PDZRN4: variants seen among roughly 807,000 people sequenced by gnomAD.
PDZRN4 encodes PDZ domain containing ring finger 4, also known as PDZ domain-containing RING finger protein 4.
PDZRN4 carries 70 observed loss-of-function variants against 99.0 expected under a neutral mutation model. The observed-to-expected ratio is 0.71, with a 90% CI of 0.58 to 0.86. The LOEUF is 0.86. PDZRN4 is among the 40% of genes least tolerant of loss of function. The pLI is 0.00. For synonymous variants in PDZRN4, 551 were observed against 501.6 expected (o/e 1.10, Z -1.32); for missense variants, 1,474 against 1,331.2 (o/e 1.11, Z -1.67).
chr12:41,456,861 A>C (rs899036179), intron 3 of PDZRN4, among the ~76,000 whole-genome samples: 1 of 152,176 alleles, frequency 6.6e-6, no homozygotes, highest in African/African-American at 2.4e-5. Flanking sequence ...AGACTGAGAG[A>C]AATTTTAAAG....
At chr12:41,450,224 T>C (rs979741928) in intron 3 of PDZRN4, among the ~76,000 whole-genome samples, 3 of 152,192 alleles carry the variant, frequency 2.0e-5, no homozygotes, top group Non-Finnish European at 4.4e-5. Context: ...TTATTTGTTA[T>C]TACTTTTACA....
chr12:41,469,017 A>T (rs1203673158), intron 3 of PDZRN4, among the ~76,000 whole-genome samples: 1 of 152,092 alleles, frequency 6.6e-6, no homozygotes. Flanking sequence ...TCAAAAAAAA[A>T]AAAAAAATTG....
intron 3 of PDZRN4, chr12:41,477,951 A>T (rs560185096): frequency 1.5e-6 from 2 of 1,349,806 alleles, no homozygotes; most frequent in Non-Finnish European, 2.1e-6. Flanking sequence ...ATTTCATCAT[A>T]TTATTCTCTT....
At chr12:41,236,843 G>A (rs1170321419) in intron 3 of PDZRN4, among the ~76,000 whole-genome samples, 1 of 152,052 alleles carries the variant, frequency 6.6e-6, no homozygotes, top group Non-Finnish European at 1.5e-5. Context: ...TAGATACTTG[G>A]ATTTTCTTTC....
rs756432436 is a variant in PDZRN4, at chr12:41,573,450, G to A, written c.2671G>A (p.Val891Met). The A allele has an allele frequency of 1.3e-5, 21 of 1,613,944 alleles. No individual in the cohort carries two copies. The highest frequency in any genetic ancestry group is 1.7e-5 in the Non-Finnish European group (20 of 1,179,996). Reference sequence around the variant, plus strand: ...TTCAGAGCCCAAGATGGAATGGAAGGTGAAAATTAGGAGCGACGGGACACG... The same window carrying A: ...TTCAGAGCCCAAGATGGAATGGAAGATGAAAATTAGGAGCGACGGGACACG... ...KCSEPKMEWKVKIRSDGTRYI... is the reference protein window; with the variant it reads ...KCSEPKMEWKMKIRSDGTRYI... Residue 891 changes from valine to methionine, a missense_variant, in exon 10 of 10, where the codon GTG becomes ATG. Physicochemically the swap from Val to Met is conservative, Grantham distance 21. Coordinates refer to ENST00000402685, the MANE Select transcript of PDZRN4 (RefSeq NM_001164595.2).
chr12:41,190,639 G>A (rs1299430100), intron 1 of PDZRN4, among the ~76,000 whole-genome samples: 1 of 152,144 alleles, frequency 6.6e-6, no homozygotes, highest in Non-Finnish European at 1.5e-5. Flanking sequence ...AAAGCTCCTG[G>A]GAAAATATCT....
At chr12:41,385,491 T>A (rs1277860513) in intron 3 of PDZRN4, among the ~76,000 whole-genome samples, 2 of 152,052 alleles carry the variant, frequency 1.3e-5, no homozygotes, top group Non-Finnish European at 2.9e-5. Context: ...AAGGGGATAT[T>A]ACCACTGGCC....
chr12:41,448,262 T>A (rs1355578027), intron 3 of PDZRN4, among the ~76,000 whole-genome samples: 4 of 152,298 alleles, frequency 2.6e-5, no homozygotes, highest in Non-Finnish European at 5.9e-5. Context: ...ACTTTCTATT[T>A]AAGACAATGT....
chr12:41,437,861 T>C, intron 3 of PDZRN4: 3 of 1,611,290 alleles, frequency 1.9e-6, no homozygotes, highest in Middle Eastern at 1.7e-4. Flanking sequence ...AGTAGTCAAG[T>C]CTGGAGGGTG....
chr12:41,429,456 AT>A (rs1952566989), intron 3 of PDZRN4, among the ~76,000 whole-genome samples: 1 of 152,162 alleles, frequency 6.6e-6, no homozygotes, highest in Non-Finnish European at 1.5e-5. Context: ...CTGGAAGTTA[AT>A]TTTAGACTAC....
intron 1 of PDZRN4, among the ~76,000 whole-genome samples, chr12:41,190,167 T>C (rs536595915): frequency 6.6e-6 from 1 of 152,204 alleles, no homozygotes; most frequent in Non-Finnish European, 1.5e-5. Flanking sequence ...TGGGACTGGC[T>C]GCTCCACACT....
chr12:41,488,649 G>T (rs532987666), intron 3 of PDZRN4, among the ~76,000 whole-genome samples: 9 of 152,182 alleles, frequency 5.9e-5, no homozygotes, highest in African/African-American at 2.2e-4. Context: ...GTGGAAGAAC[G>T]ACAACATCAC....
chr12:41,336,823 G>A (rs575685083), intron 3 of PDZRN4, among the ~76,000 whole-genome samples: 1 of 152,046 alleles, frequency 6.6e-6, no homozygotes, highest in East Asian at 1.9e-4. Flanking sequence ...TCCTAGGTGG[G>A]ATGGCAGAAC....
chr12:41,369,394 C>A (rs1952024423), intron 3 of PDZRN4, among the ~76,000 whole-genome samples: 1 of 152,032 alleles, frequency 6.6e-6, no homozygotes, highest in Non-Finnish European at 1.5e-5. Flanking sequence ...AATACGGTTA[C>A]CTTTTCCTCT....
chr12:41,285,779 C>T (rs1951418494), intron 3 of PDZRN4, among the ~76,000 whole-genome samples: 1 of 151,872 alleles, frequency 6.6e-6, no homozygotes, highest in Admixed American at 6.6e-5. Context: ...CATGTTCTCA[C>T]TCATAAGTAG....
intron 3 of PDZRN4, among the ~76,000 whole-genome samples, chr12:41,491,378 C>T (rs1010582571): frequency 6.6e-6 from 1 of 151,980 alleles, no homozygotes; most frequent in African/African-American, 2.4e-5. Flanking sequence ...AAAAATTGGA[C>T]TGGTGTGGTG....
At chr12:41,377,537 C>T (rs1017238601) in intron 3 of PDZRN4, among the ~76,000 whole-genome samples, 4 of 152,072 alleles carry the variant, frequency 2.6e-5, no homozygotes, top group African/African-American at 7.2e-5. Context: ...TGGCAGCATG[C>T]ACCTGTAGTC....
At chr12:41,257,722 T>C (rs1336038688) in intron 3 of PDZRN4, among the ~76,000 whole-genome samples, 1 of 152,188 alleles carries the variant, frequency 6.6e-6, no homozygotes, top group Non-Finnish European at 1.5e-5. Flanking sequence ...TTCAATTGTG[T>C]TTATTTTGAA....
intron 3 of PDZRN4, among the ~76,000 whole-genome samples, chr12:41,226,485 G>T (rs778257839): frequency 6.6e-5 from 10 of 151,714 alleles, no homozygotes; most frequent in South Asian, 6.2e-4. Flanking sequence ...AGTAAATTTT[G>T]TTGAAGGAAT....
Sources: allele counts gnomAD v4.1 joint callset (sites outside exome capture counted in the v4.1 genomes callset), GRCh38; gene constraint gnomAD v4.1.1; transcripts MANE v1.5; gene names NCBI Gene and HGNC (gene_info 2026-07-23, HGNC 2026-07-21).